MTSS1: variants seen among roughly 807,000 people sequenced by gnomAD.
MTSS1 encodes the protein protein MTSS 1.
In MTSS1, 18 loss-of-function variants were observed where a neutral mutation model predicts 79.0. That is an observed-to-expected ratio of 0.23 (90% CI 0.16 to 0.34). MTSS1 has a LOEUF of 0.34. Among genes scored for constraint, MTSS1 ranks in the 10% least tolerant of loss-of-function variants. The probability of loss-of-function intolerance (pLI) is 1.00; values close to 1 mark genes in which losing one functional copy is unlikely to be tolerated. For missense variants in MTSS1, 815 were observed against 986.2 expected (o/e 0.83, Z 2.33); for synonymous variants, 341 against 368.6 (o/e 0.93, Z 0.86).
intron 3 of MTSS1, among the ~76,000 whole-genome samples, chr8:124,675,842 TA>T (rs1428473887): frequency 6.6e-6 from 1 of 152,256 alleles, no homozygotes; most frequent in Admixed American, 6.5e-5. Flanking sequence ...TACGGTTGAA[TA>T]ATATTCCATT....
chr8:124,698,063 C>T (rs978564825), intron 3 of MTSS1: 1 of 152,192 alleles, frequency 6.6e-6, no homozygotes, highest in African/African-American at 2.4e-5. Flanking sequence ...TTTATTTATA[C>T]TTCTCATTTT....
intron 3 of MTSS1, among the ~76,000 whole-genome samples, chr8:124,642,605 T>C (rs1304667716): frequency 6.6e-6 from 1 of 152,178 alleles, no homozygotes. Context: ...TTTTTTCTTT[T>C]TTTTGGAGAT....
intron 6 of MTSS1, among the ~76,000 whole-genome samples, chr8:124,570,506 G>A (rs893369199): frequency 3.9e-5 from 6 of 152,084 alleles, no homozygotes; most frequent in East Asian, 1.9e-4. Context: ...TATTATTATT[G>A]TTGTTAATCT....
chr8:124,588,635 A>G (rs758541273), intron 5 of MTSS1, among the ~76,000 whole-genome samples: 2 of 152,252 alleles, frequency 1.3e-5, no homozygotes, highest in Non-Finnish European at 2.9e-5. Context: ...TTATATCATT[A>G]AAAGTCTGGC....
intron 3 of MTSS1, among the ~76,000 whole-genome samples, chr8:124,592,711 G>A (rs946108787): frequency 1.3e-5 from 2 of 151,872 alleles, no homozygotes; most frequent in Non-Finnish European, 2.9e-5. Context: ...ACCTTCTGAG[G>A]GCAAGGCCTC....
chr8:124,686,728 C>T (rs1320673131), intron 3 of MTSS1, among the ~76,000 whole-genome samples: 2 of 152,138 alleles, frequency 1.3e-5, no homozygotes, highest in Admixed American at 6.5e-5. Flanking sequence ...ATGCACAACA[C>T]GCCCCTCACA....
Position 124,628,414 on chromosome 8 carries a change from G to A in MTSS1, c.209-37179C>T, listed in dbSNP as rs528077486. ...GATGCTAAATCCAGTGATATGAACC[G>A]GCAGCAGGATGCTTGCCCAGCCCAG... On this transcript the variant is annotated intron_variant, in intron 3 of 13. Transcript: ENST00000518547. Among the ~76,000 whole-genome samples the A allele has an allele frequency of 7.9e-5, 12 of 151,984 alleles. No individual in the cohort carries two copies. The South Asian group carries it at 1.0e-3, about 13-fold the overall frequency.
intron 3 of MTSS1, among the ~76,000 whole-genome samples, chr8:124,615,411 C>A (rs1445968247): frequency 1.3e-5 from 2 of 152,194 alleles, no homozygotes; most frequent in South Asian, 4.1e-4. Context: ...AATCCTGACA[C>A]AGGCTCCAAC....
chr8:124,654,808 T>A lies in MTSS1; in HGVS notation c.208+44718A>T, dbSNP rs558533137. 4.5e-4 allele frequency among the ~76,000 whole-genome samples: 68 copies of A among 152,276 alleles called. 1 individual carries two copies. The highest frequency in any genetic ancestry group is 3.4e-3 in the Middle Eastern group (1 of 294). On this transcript the variant is annotated intron_variant, in intron 3 of 13. Coordinates refer to ENST00000518547, the MANE Select transcript of MTSS1 (RefSeq NM_014751.6). ...CGTGCACAGCCCTTTAAAATTTCCT[T>A]ACATTCCTCATCAGCCCTATGAAGT...
At chr8:124,696,975 C>A (rs1828943798) in intron 3 of MTSS1, among the ~76,000 whole-genome samples, 1 of 152,136 alleles carries the variant, frequency 6.6e-6, no homozygotes, top group African/African-American at 2.4e-5. Flanking sequence ...CAGTGAGGCT[C>A]TTTGGTTTCT....
In MTSS1 at chr8:124,576,920, G is replaced by A. The variant is rs552690682; in HGVS notation, c.460+8167C>T. Among the ~76,000 whole-genome samples, 10 of 152,188 alleles carry A rather than the reference G, an allele frequency of 6.6e-5. No homozygotes were observed. In the South Asian group the frequency reaches 1.5e-3, roughly 22 times the overall value. On this transcript the variant is annotated intron_variant, in intron 6 of 13. Coordinates refer to ENST00000518547, the MANE Select transcript of MTSS1 (RefSeq NM_014751.6). ...ACGCTAAGAAAAATACTCAGCTCCC[G>A]GCGTGCCTCCATACTCTATATACCT...
chr8:124,657,250 A>G (rs975688011), intron 3 of MTSS1, among the ~76,000 whole-genome samples: 2 of 152,118 alleles, frequency 1.3e-5, no homozygotes, highest in African/African-American at 2.4e-5. Flanking sequence ...AGGACACAAA[A>G]AGGGGTTGGG....
At chr8:124,589,749 T>C in intron 4 of MTSS1, 38 bp from the exon 5 acceptor site, 1 of 1,348,250 alleles carries the variant, frequency 7.4e-7, no homozygotes, top group Non-Finnish European at 1.1e-6. Flanking sequence ...AGAAATTAAA[T>C]AGATACATTC....
At chr8:124,580,509 A>ACAC in intron 6 of MTSS1, 1 of 1,535,454 alleles carries the variant, frequency 6.5e-7, no homozygotes, top group Non-Finnish European at 8.7e-7. Context: ...AGCAAGGACC[A>ACAC]CACCGTGAGC....
rs59077994 is a variant in MTSS1 at position 124,572,510 on chromosome 8, TC to T, written c.461-3975del. ...ATATACAAAAGCCCATTCTCTTCAC[TC>T]CCATCGGCAGTGTTAGGAGAGTCAC... On this transcript the variant is annotated intron_variant, in intron 6 of 13. Coordinates refer to ENST00000518547, the MANE Select transcript of MTSS1 (RefSeq NM_014751.6). Among the ~76,000 whole-genome samples, 325 of 152,242 alleles carry T rather than the reference TC, an allele frequency of 2.1e-3. 2 individuals carry two copies. The highest frequency in any genetic ancestry group is 7.7e-3 in the African/African-American group (319 of 41,532).
intron 1 of MTSS1, among the ~76,000 whole-genome samples, chr8:124,716,384 C>T (rs757336716): frequency 2.6e-5 from 4 of 152,226 alleles, no homozygotes; most frequent in Admixed American, 6.5e-5. Context: ...TCTGCCTGAT[C>T]GCATTCCAAG....
intron 5 of MTSS1, among the ~76,000 whole-genome samples, chr8:124,587,201 G>A (rs564787027): frequency 6.6e-6 from 1 of 152,278 alleles, no homozygotes; most frequent in African/African-American, 2.4e-5. Context: ...CATCCCCAGG[G>A]CCTCAACGAG....
intron 3 of MTSS1, among the ~76,000 whole-genome samples, chr8:124,693,870 G>A (rs1485486775): frequency 6.6e-6 from 1 of 152,058 alleles, no homozygotes; most frequent in Non-Finnish European, 1.5e-5. Context: ...AAGAACCAAG[G>A]CAAGATTTTA....
intron 3 of MTSS1, among the ~76,000 whole-genome samples, chr8:124,670,930 A>C (rs566820333): frequency 6.6e-6 from 1 of 152,312 alleles, no homozygotes; most frequent in East Asian, 1.9e-4. Flanking sequence ...ACCAAAAGAA[A>C]ACACAGCTAC....
Sources: gnomAD v4.1 joint callset for allele counts (sites outside exome capture counted in the v4.1 genomes callset) on GRCh38, gnomAD v4.1.1 for gene constraint, MANE v1.5 for transcripts, NCBI Gene and HGNC (gene_info 2026-07-23, HGNC 2026-07-21) for gene names.